Variants in VPS13B observed in about 807,000 individuals in gnomAD.
VPS13B encodes vacuolar protein sorting 13 homolog B, also known as intermembrane lipid transfer protein VPS13B.
Under a neutral mutation model 426.4 loss-of-function variants are expected in VPS13B, and 285 were observed. That is an observed-to-expected ratio of 0.67 (90% confidence interval 0.61 to 0.74). The LOEUF (loss-of-function observed/expected upper bound fraction) is 0.74, where lower values mean the gene tolerates loss of function less well. Among genes scored for constraint, VPS13B ranks in the 30% least tolerant of loss-of-function variants. The pLI is 0.00. For synonymous variants in VPS13B, 1,676 were observed against 1,676.4 expected (o/e 1.00, Z 0.01); for missense variants, 4,537 against 4,782.6 (o/e 0.95, Z 1.51).
At chr8:99,551,621 A>G (rs191570256) in intron 30 of VPS13B, among the ~76,000 whole-genome samples, 16 of 151,798 alleles carry the variant, frequency 1.1e-4, no homozygotes, top group Non-Finnish European at 2.4e-4. Context: ...TTTAGTGGCT[A>G]CTCTGGCTAT....
intron 39 of VPS13B, among the ~76,000 whole-genome samples, chr8:99,727,684 C>T (rs1833406239): frequency 6.6e-6 from 1 of 152,206 alleles, no homozygotes; most frequent in South Asian, 2.1e-4. Flanking sequence ...CTGGTTCCCT[C>T]CCACAACACG....
chr8:99,619,675 C>T (rs2133889905), intron 33 of VPS13B, among the ~76,000 whole-genome samples: 1 of 152,166 alleles, frequency 6.6e-6, no homozygotes, highest in South Asian at 2.1e-4. Context: ...AGTTTGAGAC[C>T]AGCCTGGGCA....
chr8:99,049,286 T>C (rs893653646), intron 3 of VPS13B, among the ~76,000 whole-genome samples: 6 of 152,148 alleles, frequency 3.9e-5, no homozygotes, highest in African/African-American at 1.4e-4. Context: ...GAGGCTCTGT[T>C]TTGATATGTT....
intron 3 of VPS13B, among the ~76,000 whole-genome samples, chr8:99,075,836 T>G (rs1381137991): frequency 6.6e-6 from 1 of 152,220 alleles, no homozygotes; most frequent in Non-Finnish European, 1.5e-5. Flanking sequence ...AACTTTTTGT[T>G]TCATTGATCA....
intron 55 of VPS13B, among the ~76,000 whole-genome samples, chr8:99,851,726 G>A (rs956171087): frequency 1.3e-5 from 2 of 152,046 alleles, no homozygotes; most frequent in Non-Finnish European, 2.9e-5. Flanking sequence ...GGTGGAAGTG[G>A]AAGTAGCAGT....
chr8:99,469,988 G>A (rs1483180272), intron 24 of VPS13B, among the ~76,000 whole-genome samples: 1 of 152,180 alleles, frequency 6.6e-6, no homozygotes, highest in Non-Finnish European at 1.5e-5. Flanking sequence ...GAGAGCCAAG[G>A]AAGGATTGTA....
intron 39 of VPS13B, among the ~76,000 whole-genome samples, chr8:99,721,778 C>A (rs1342702860): frequency 6.6e-6 from 1 of 152,188 alleles, no homozygotes; most frequent in African/African-American, 2.4e-5. Flanking sequence ...CAAGTCCTGT[C>A]AGTTCTGCCT....
intron 36 of VPS13B, among the ~76,000 whole-genome samples, chr8:99,716,142 A>G (rs16897612): frequency 0.02 from 3,063 of 152,226 alleles, 110 homozygotes; most frequent in African/African-American, 0.07. Context: ...TATCTCTAAC[A>G]CTTTTGTGGG....
intron 34 of VPS13B, among the ~76,000 whole-genome samples, chr8:99,650,780 CA>C (rs1829781645): frequency 6.6e-6 from 1 of 152,136 alleles, no homozygotes; most frequent in Non-Finnish European, 1.5e-5. Flanking sequence ...CAGATAAGGG[CA>C]GGGGATTACT....
At chr8:99,560,441 T>C (rs2133774231) in intron 31 of VPS13B, among the ~76,000 whole-genome samples, 1 of 152,316 alleles carries the variant, frequency 6.6e-6, no homozygotes, top group South Asian at 2.1e-4. Flanking sequence ...CATATTTTAT[T>C]CTAATTACTT....
At chr8:99,035,841 C>T (rs1842717647) in intron 2 of VPS13B, among the ~76,000 whole-genome samples, 1 of 152,010 alleles carries the variant, frequency 6.6e-6, no homozygotes, top group Non-Finnish European at 1.5e-5. Flanking sequence ...TGATAATGGC[C>T]ATTGTTATGG....
intron 21 of VPS13B, among the ~76,000 whole-genome samples, chr8:99,427,492 A>G (rs1394635249): frequency 2.0e-5 from 3 of 151,978 alleles, no homozygotes; most frequent in East Asian, 1.9e-4. Context: ...TACACCAATA[A>G]CAGACAAACA....
chr8:99,866,453 GGCAGGTGGTTCCACA>G (rs2130956888), intron 58 of VPS13B, among the ~76,000 whole-genome samples: 1 of 152,342 alleles, frequency 6.6e-6, no homozygotes, highest in South Asian at 2.1e-4. Flanking sequence ...CTGAGCCCAG[GGCAGGTGGTTCCACA>G]GCTCCCTCTC....
chr8:99,868,296 T>G lies in VPS13B; in HGVS notation c.11223T>G (p.Ile3741Met), dbSNP rs267601674. The change falls in exon 59 of 62, where the codon ATT becomes ATG. Residue 3741 changes from isoleucine to methionine, a missense_variant. Ile to Met is a conservative substitution (Grantham distance 10). Transcript: ENST00000357162. ...GGGCTTTTGTTATTCCAGGTGCAATTGCTGGTATAGTTGATCAGCCGATGC... is the reference window on the plus strand; with the variant it reads ...GGGCTTTTGTTATTCCAGGTGCAATGGCTGGTATAGTTGATCAGCCGATGC... ...SRLGISLLGAIAGIVDQPMQN... is the reference protein window; with the variant it reads ...SRLGISLLGAMAGIVDQPMQN... 2 of 1,614,064 alleles carry G rather than the reference T, an allele frequency of 1.2e-6. No homozygotes were observed. Among genetic ancestry groups the G allele is most frequent in the Non-Finnish European group, 1.7e-6 (2 of 1,180,044 alleles).
At chr8:99,311,326 TAC>T (rs1232185083) in intron 19 of VPS13B, among the ~76,000 whole-genome samples, 1 of 152,242 alleles carries the variant, frequency 6.6e-6, no homozygotes, top group Non-Finnish European at 1.5e-5. Flanking sequence ...AATTTCCCTC[TAC>T]ACACTGCTTC....
intron 17 of VPS13B, among the ~76,000 whole-genome samples, chr8:99,210,911 T>G (rs1370686893): frequency 6.6e-6 from 1 of 152,174 alleles, no homozygotes; most frequent in Non-Finnish European, 1.5e-5. Context: ...CTTAAAAATA[T>G]TTAATGTTTA....
At chr8:99,599,148 C>T (rs1827164424) in intron 33 of VPS13B, among the ~76,000 whole-genome samples, 1 of 151,942 alleles carries the variant, frequency 6.6e-6, no homozygotes, top group South Asian at 2.1e-4. Flanking sequence ...AAATATTGTA[C>T]TCAAGCTGGT....
At chr8:99,222,660 T>C (rs959988199) in intron 17 of VPS13B, among the ~76,000 whole-genome samples, 1 of 152,170 alleles carries the variant, frequency 6.6e-6, no homozygotes, top group Non-Finnish European at 1.5e-5. Context: ...TCGTATGACA[T>C]TGTATTATTT....
chr8:99,256,468 G>A (rs987913269), intron 17 of VPS13B, among the ~76,000 whole-genome samples: 5 of 152,042 alleles, frequency 3.3e-5, no homozygotes, highest in East Asian at 1.9e-4. Flanking sequence ...TTGAGGAATC[G>A]CGATACTGTT....
Sources: gnomAD v4.1 joint callset for allele counts (sites outside exome capture counted in the v4.1 genomes callset) on GRCh38, gnomAD v4.1.1 for gene constraint, MANE v1.5 for transcripts, NCBI Gene and HGNC (gene_info 2026-07-23, HGNC 2026-07-21) for gene names.